Variants in SEPTIN2 observed in about 807,000 individuals in gnomAD.
SEPTIN2 encodes septin-2.
Under a neutral mutation model 46.5 loss-of-function variants are expected in SEPTIN2, and 34 were observed. The observed-to-expected ratio is 0.73, with a 90% CI of 0.56 to 0.97. The LOEUF (loss-of-function observed/expected upper bound fraction) is 0.97. Ranked by LOEUF, SEPTIN2 falls within the 50% of genes least tolerant of loss-of-function variation. The pLI is 0.00. For synonymous variants in SEPTIN2, 175 were observed against 153.4 expected, an observed-to-expected ratio of 1.14 and a Z score of -1.04; for missense variants, 347 against 448.4, an observed-to-expected ratio of 0.77 and a Z score of 2.04.
Position 241,353,452 on chromosome 2 carries a change from G to A in SEPTIN2, c.*1515G>A, listed in dbSNP as rs1419254660. 6.6e-6 allele frequency: 1 copy of A among 152,182 alleles called. No individual in the cohort carries two copies. Among genetic ancestry groups the A allele is most frequent in the South Asian group, 2.1e-4 (1 of 4,834 alleles). 9.4% of individuals were successfully genotyped at this position (152,182 alleles called of 1,614,324 possible). The stretch of plus-strand genomic sequence containing the variant: ...TGGAGAAAATGCTTAATCTGAGGAT[G>A]AGACAGGGTTTTTTCATTTTTGTGG... On this transcript the variant is annotated 3_prime_UTR_variant, in exon 13 of 13. Transcript: ENST00000391971.
intron 7 of SEPTIN2, among the ~76,000 whole-genome samples, chr2:241,339,806 C>T (rs77125697): frequency 0.015 from 2,236 of 152,290 alleles, 31 homozygotes; most frequent in Middle Eastern, 0.027. Context: ...GATTTCACAT[C>T]TCCATCCCCT....
In SEPTIN2 at chr2:241,341,508, C is replaced by T. The variant is rs142342700; in HGVS notation, c.595-1484C>T. On this transcript the variant is annotated intron_variant, in intron 7 of 12. Coordinates refer to ENST00000391971, the MANE Select transcript of SEPTIN2 (RefSeq NM_004404.5). ...ATGGATAGTAGACCAGGAAAGGGGCCGTAAGATGAGGACAGGTGAGCAAGT... is the reference window on the plus strand; with the variant it reads ...ATGGATAGTAGACCAGGAAAGGGGCTGTAAGATGAGGACAGGTGAGCAAGT... Among the ~76,000 whole-genome samples the T allele has an allele frequency of 8.9e-3, 1,352 of 152,236 alleles. 80 individuals are homozygous for T. Among genetic ancestry groups the T allele is most frequent in the Admixed American group, 0.077 (1,178 of 15,286 alleles).
At chr2:241,332,798 G>A (rs923570999) in intron 3 of SEPTIN2, among the ~76,000 whole-genome samples, 7 of 152,184 alleles carry the variant, frequency 4.6e-5, no homozygotes, top group African/African-American at 1.4e-4. Context: ...ACAAAGAAAC[G>A]AACTACTCGT....
At chr2:241,337,881 C>T (rs746451434) in intron 7 of SEPTIN2, 91 bp downstream of exon 7, 5 of 839,686 alleles carry the variant, frequency 6.0e-6, no homozygotes, top group Middle Eastern at 2.3e-4. Flanking sequence ...TCAGTCTGCT[C>T]AGGTGTCGGG....
rs769027056 is a variant in SEPTIN2, at chr2:241,350,101, G to A, written c.1013G>A (p.Arg338Lys). 8.4e-5 allele frequency: 136 copies of A among 1,614,048 alleles called. No homozygotes were observed. The highest frequency in any genetic ancestry group is 1.1e-4 in the Non-Finnish European group (135 of 1,179,998). Residue 338 changes from arginine (R) to lysine (K), a missense_variant, in exon 12 of 13, where the codon AGG becomes AAG. Transcript: ENST00000391971. ...ELRRMQEMIA[R>K]MQAQMQMQMQ... is the part of the protein sequence containing the mutation. ...CGCCGCATGCAAGAGATGATTGCAA[G>A]GATGCAGGCGCAGATGCAGATGCAG...
At chr2:241,346,058 G>C in intron 9 of SEPTIN2, 108 bp from the exon 10 acceptor site, 1 of 720,078 alleles carries the variant, frequency 1.4e-6, no homozygotes, top group East Asian at 2.7e-5. Flanking sequence ...AATTTACCAA[G>C]TAATTTTAAT....
rs6736092 is a variant in SEPTIN2, at chr2:241,335,367, C to T, written c.217+155C>T. On this transcript the variant is annotated intron_variant, in intron 4 of 12. Transcript: ENST00000391971. ...CTTTTATGGGGTAGGTGTGCTGCAC[C>T]GAGGTCCTTGGATTTGGGTTGTAGA... The T allele has an allele frequency of 9.3e-3, 14,462 of 1,552,020 alleles. 124 individuals carry two copies. Among genetic ancestry groups the T allele is most frequent in the African/African-American group, 0.043 (3,127 of 73,098 alleles).
At chr2:241,322,435 C>T (rs1444289395) in intron 1 of SEPTIN2, among the ~76,000 whole-genome samples, 1 of 151,656 alleles carries the variant, frequency 6.6e-6, no homozygotes, top group Admixed American at 6.6e-5. Context: ...GAAACCCCAT[C>T]TCTACTAAAA....
intron 1 of SEPTIN2, among the ~76,000 whole-genome samples, chr2:241,321,822 C>CT (rs202030045): frequency 3.6e-4 from 55 of 151,120 alleles, no homozygotes; most frequent in Middle Eastern, 3.4e-3. Context: ...TAATGATTAC[C>CT]TTTTTTTTTA....
In SEPTIN2 at chr2:241,353,040, G is replaced by A. The variant is rs1248854879; in HGVS notation, c.*1103G>A. 1.3e-5 allele frequency: 2 copies of A among 152,170 alleles called. No homozygotes were observed. The highest frequency in any genetic ancestry group is 4.8e-5 in the African/African-American group (2 of 41,416). The allele number at this position is 152,170 out of a possible 1,614,324, so 9.4% of individuals were successfully genotyped here. ...GTGCCCTGAACCTCTGATGCCTACC[G>A]GGTTCTCCTGATTTGAGTTTCCTTT... On this transcript the variant is annotated 3_prime_UTR_variant, in exon 13 of 13. Coordinates refer to ENST00000391971, the MANE Select transcript of SEPTIN2 (RefSeq NM_004404.5).
Position 241,336,594 on chromosome 2 carries a change from A to G in SEPTIN2, c.341+496A>G, listed in dbSNP as rs567161784. ...GGTTCTATTCCTGTCAACATAAAGC[A>G]TCAGGTTTCCACCACTAGATGAAAA... On this transcript the variant is annotated intron_variant, in intron 5 of 12. Transcript: ENST00000391971. 4.6e-5 allele frequency among the ~76,000 whole-genome samples: 7 copies of G among 152,220 alleles called. No individual in the cohort carries two copies. The South Asian group carries it at 1.2e-3, about 27-fold the overall frequency.
chr2:241,323,885 T>G (rs563627667), intron 1 of SEPTIN2, among the ~76,000 whole-genome samples: 80 of 152,352 alleles, frequency 5.3e-4, no homozygotes, highest in African/African-American at 1.8e-3. Context: ...TTAACTTCCT[T>G]TTGTAAAGAA....
intron 1 of SEPTIN2, chr2:241,316,951 A>C (rs1020952533): frequency 2.5e-5 from 4 of 162,240 alleles, no homozygotes; most frequent in African/African-American, 9.6e-5. Flanking sequence ...TCCAGATGGT[A>C]TTTGTCCAGT....
At chr2:241,345,361 C>T (rs982311734) in intron 9 of SEPTIN2, among the ~76,000 whole-genome samples, 1 of 152,210 alleles carries the variant, frequency 6.6e-6, no homozygotes, top group African/African-American at 2.4e-5. Context: ...CACTCAGCCC[C>T]TCCAGGGCTG....
At chr2:241,333,779 A>G (rs552793699) in intron 3 of SEPTIN2, among the ~76,000 whole-genome samples, 1 of 152,378 alleles carries the variant, frequency 6.6e-6, no homozygotes, top group East Asian at 1.9e-4. Flanking sequence ...CTGGGATTAC[A>G]GGCGTGGGCC....
rs1329803602 is a variant in SEPTIN2 at position 241,353,484 on chromosome 2, G to GA, written c.*1553dup. On this transcript the variant is annotated 3_prime_UTR_variant, in exon 13 of 13. Coordinates refer to ENST00000391971, the MANE Select transcript of SEPTIN2 (RefSeq NM_004404.5). The stretch of plus-strand genomic sequence containing the variant: ...GGTTTTTTCATTTTTGTGGGGGCTA[G>GA]AAAAAACATAAAATGAGGCAGTTAA... 4.6e-5 allele frequency: 7 copies of GA among 152,130 alleles called. No individual in the cohort carries two copies. The highest frequency in any genetic ancestry group is 7.2e-5 in the African/African-American group (3 of 41,424). The allele number at this position is 152,130 out of a possible 1,614,324, so 9.4% of individuals were successfully genotyped here.
In SEPTIN2 at chr2:241,324,856, A is replaced by G. The variant is rs370545595; in HGVS notation, c.9+615A>G. On this transcript the variant is annotated intron_variant, in intron 2 of 12. Transcript: ENST00000391971. ...GAAATTGATGGGGCTCTTAGACTTGATAAATTGGTTTAAATCAGCCTTTGC... is the reference window on the plus strand; with the variant it reads ...GAAATTGATGGGGCTCTTAGACTTGGTAAATTGGTTTAAATCAGCCTTTGC... 7.2e-4 allele frequency: 110 copies of G among 152,480 alleles called. 3 individuals carry two copies. In the South Asian group the frequency reaches 0.022, roughly 30 times the overall value. 9.4% of individuals were successfully genotyped at this position (152,480 alleles called of 1,614,324 possible).
chr2:241,338,170 A>T (rs959513806), intron 7 of SEPTIN2, among the ~76,000 whole-genome samples: 3 of 152,148 alleles, frequency 2.0e-5, no homozygotes, highest in African/African-American at 7.2e-5. Flanking sequence ...GTATCTAAGT[A>T]GACTGGTTCT....
rs561568128 is a variant in SEPTIN2, at chr2:241,343,907, T to G, written c.842+10T>G. 1.9e-6 allele frequency: 3 copies of G among 1,613,686 alleles called. No individual in the cohort carries two copies. The highest frequency in any genetic ancestry group is 2.5e-6 in the Non-Finnish European group (3 of 1,179,790). ...TGAGAACCATGCTCATGTAAGACAT[T>G]TGGTGTGTTCCTTCTGGCAGAATTT... On this transcript the variant is annotated intron_variant, in intron 9 of 12. Transcript: ENST00000391971.
Sources: gnomAD v4.1 joint callset for allele counts (sites outside exome capture counted in the v4.1 genomes callset) on GRCh38, gnomAD v4.1.1 for gene constraint, MANE v1.5 for transcripts, NCBI Gene and HGNC (gene_info 2026-07-23, HGNC 2026-07-21) for gene names.